ARHGAP26: variants seen among roughly 807,000 people sequenced by gnomAD.
ARHGAP26 encodes Rho GTPase activating protein 26.
ARHGAP26 carries 38 observed loss-of-function variants against 104.8 expected under a neutral mutation model. The ratio of observed to expected loss-of-function variants is 0.36; its 90% CI spans 0.28 to 0.48. The LOEUF (loss-of-function observed/expected upper bound fraction) is 0.48. ARHGAP26 is among the 20% of genes least tolerant of loss of function. The pLI is 0.99. For synonymous variants in ARHGAP26, 341 were observed against 340.0 expected (o/e 1.00, Z -0.03); for missense variants, 704 against 947.9 (o/e 0.74, Z 3.38).
chr5:143,188,317 A>G (rs551001819), intron 20 of ARHGAP26, among the ~76,000 whole-genome samples: 7 of 152,334 alleles, frequency 4.6e-5, no homozygotes, highest in South Asian at 2.1e-4. Context: ...CAGAACCACA[A>G]GGCCAGAGCA....
In ARHGAP26 at chr5:143,122,148, G is replaced by A. The variant is rs116931274; in HGVS notation, c.1698+1001G>A. ...GATTTTTTTTAATGTTAAGCCAGAT[G>A]GTATCAGTTTTCTCCTAAGAATTAT... is the stretch of plus-strand genomic sequence containing the variant. On this transcript the variant is annotated intron_variant, in intron 18 of 22. Transcript: ENST00000645722. Among the ~76,000 whole-genome samples the A allele has an allele frequency of 3.6e-3, 552 of 152,064 alleles. 15 individuals carry two copies. In the East Asian group the frequency reaches 0.068, roughly 19 times the overall value.
At chr5:142,908,353 G>T (rs1393463136) in intron 9 of ARHGAP26, among the ~76,000 whole-genome samples, 2 of 152,242 alleles carry the variant, frequency 1.3e-5, no homozygotes, top group African/African-American at 4.8e-5. Flanking sequence ...ACAGTAGCTA[G>T]AGCTAGAACA....
intron 20 of ARHGAP26, among the ~76,000 whole-genome samples, chr5:143,175,729 T>C (rs971904693): frequency 9.2e-5 from 14 of 152,180 alleles, no homozygotes; most frequent in Admixed American, 3.9e-4. Context: ...CTGATTCTTA[T>C]TTAGGTTTGA....
intron 11 of ARHGAP26, among the ~76,000 whole-genome samples, chr5:142,941,871 A>G (rs1766402600): frequency 6.6e-6 from 1 of 152,168 alleles, no homozygotes; most frequent in African/African-American, 2.4e-5. Context: ...TTTATGACTT[A>G]TATATGTTGG....
intron 10 of ARHGAP26, among the ~76,000 whole-genome samples, chr5:142,914,917 T>G (rs78058772): frequency 1.3e-5 from 2 of 152,348 alleles, no homozygotes; most frequent in East Asian, 3.8e-4. Flanking sequence ...CAGCCACCTG[T>G]GATGCTCATC....
chr5:143,087,967 A>G (rs547727607), intron 17 of ARHGAP26, among the ~76,000 whole-genome samples: 2 of 152,112 alleles, frequency 1.3e-5, no homozygotes, highest in Non-Finnish European at 2.9e-5. Flanking sequence ...CCCATTCTTT[A>G]GAAGAGTGAG....
chr5:143,063,451 G>A (rs143696512), intron 17 of ARHGAP26, among the ~76,000 whole-genome samples: 1 of 152,228 alleles, frequency 6.6e-6, no homozygotes, highest in Admixed American at 6.5e-5. Flanking sequence ...AAACTTCAAA[G>A]GCAGCTTCCC....
intron 19 of ARHGAP26, among the ~76,000 whole-genome samples, chr5:143,141,946 C>T (rs1798588657): frequency 6.6e-6 from 1 of 152,144 alleles, no homozygotes; most frequent in Non-Finnish European, 1.5e-5. Flanking sequence ...CCCATTCTCT[C>T]ATGAAATTCA....
intron 11 of ARHGAP26, among the ~76,000 whole-genome samples, chr5:142,964,295 T>G (rs1770886423): frequency 6.6e-6 from 1 of 152,222 alleles, no homozygotes; most frequent in Non-Finnish European, 1.5e-5. Flanking sequence ...GCTTTCAGTT[T>G]TGATCATATA....
chr5:143,225,047 A>G lies in ARHGAP26; in HGVS notation c.*2601A>G. 4.4e-6 allele frequency: 1 copy of G among 224,806 alleles called. No homozygotes were observed. Among genetic ancestry groups the G allele is most frequent in the Non-Finnish European group, 8.9e-6 (1 of 112,794 alleles). 13.9% of individuals were successfully genotyped at this position (224,806 alleles called of 1,614,324 possible). On this transcript the variant is annotated 3_prime_UTR_variant, in exon 23 of 23. Coordinates refer to ENST00000645722, the MANE Select transcript of ARHGAP26 (RefSeq NM_001135608.3). The stretch of plus-strand genomic sequence containing the variant: ...AACTCGAGAAGAAAGGGAGTATACT[A>G]GTAGGTTAGATCTGTGAACCTGAGG...
intron 1 of ARHGAP26, among the ~76,000 whole-genome samples, chr5:142,805,106 CT>C (rs532679996): frequency 1.5e-3 from 212 of 139,070 alleles, no homozygotes; most frequent in South Asian, 1.8e-3. Context: ...CCTTTCTTTT[CT>C]TTTTTTTTTT....
chr5:142,881,094 C>T (rs1188496696), intron 4 of ARHGAP26, among the ~76,000 whole-genome samples: 1 of 152,190 alleles, frequency 6.6e-6, no homozygotes, highest in Non-Finnish European at 1.5e-5. Flanking sequence ...CGAATGCTCC[C>T]TCAGTTCCTG....
chr5:142,787,818 A>G (rs957133049), intron 1 of ARHGAP26, among the ~76,000 whole-genome samples: 10 of 152,186 alleles, frequency 6.6e-5, no homozygotes, highest in Admixed American at 5.2e-4. Context: ...TTTTGGTTTT[A>G]TAGTCTTTTC....
chr5:142,825,184 C>T (rs1408409117), intron 1 of ARHGAP26, among the ~76,000 whole-genome samples: 1 of 152,170 alleles, frequency 6.6e-6, no homozygotes, highest in Non-Finnish European at 1.5e-5. Context: ...AGGATTTAAA[C>T]CAGGTTATGT....
At chr5:142,804,898 A>AT (rs1270032856) in intron 1 of ARHGAP26, among the ~76,000 whole-genome samples, 4 of 152,022 alleles carry the variant, frequency 2.6e-5, no homozygotes, top group African/African-American at 7.2e-5. Flanking sequence ...TGTGTTTTGT[A>AT]TGTGGGCCAT....
chr5:143,116,145 G>C (rs1795411559), intron 17 of ARHGAP26, among the ~76,000 whole-genome samples: 1 of 151,996 alleles, frequency 6.6e-6, no homozygotes, highest in South Asian at 2.1e-4. Flanking sequence ...TCCTACCTTG[G>C]GTCATTGTCA....
intron 17 of ARHGAP26, among the ~76,000 whole-genome samples, chr5:143,064,266 C>T (rs1787162763): frequency 6.6e-6 from 1 of 151,994 alleles, no homozygotes; most frequent in Non-Finnish European, 1.5e-5. Flanking sequence ...ACCTGCCTGG[C>T]CGTGTTGTAG....
intron 1 of ARHGAP26, among the ~76,000 whole-genome samples, chr5:142,852,217 G>A (rs1452441644): frequency 1.3e-5 from 2 of 152,240 alleles, no homozygotes; most frequent in African/African-American, 4.8e-5. Context: ...GGGCCTCTGA[G>A]CGGTCAGAGG....
intron 12 of ARHGAP26, 37 bp downstream of exon 12, chr5:143,014,153 G>A: frequency 6.2e-7 from 1 of 1,612,148 alleles, no homozygotes; most frequent in Non-Finnish European, 8.5e-7. Flanking sequence ...TACAGCCAGG[G>A]TTGGGAGTAG....
Sources: gnomAD v4.1 joint callset for allele counts (sites outside exome capture counted in the v4.1 genomes callset) on GRCh38, gnomAD v4.1.1 for gene constraint, MANE v1.5 for transcripts, NCBI Gene and HGNC (gene_info 2026-07-23, HGNC 2026-07-21) for gene names.